Variants in FAT4 observed in about 807,000 individuals in gnomAD.
The protein encoded by FAT4 is protocadherin Fat 4.
A neutral mutation model predicts 303.9 loss-of-function variants in FAT4; 84 were observed. The ratio of observed to expected loss-of-function variants is 0.28; its 90% CI spans 0.23 to 0.33. The LOEUF (loss-of-function observed/expected upper bound fraction) is 0.33, where lower values mean the gene tolerates loss of function less well. Among genes scored for constraint, FAT4 ranks in the 10% least tolerant of loss-of-function variants. The probability of loss-of-function intolerance (pLI) is 1.00; values close to 1 mark genes in which losing one functional copy is unlikely to be tolerated. For synonymous variants in FAT4, 2,307 were observed against 2,298.8 expected, an observed-to-expected ratio of 1.00 and a Z score of -0.10; for missense variants, 6,005 against 6,146.8, an observed-to-expected ratio of 0.98 and a Z score of 0.77.
rs200550116 is a variant in FAT4, at chr4:125,451,699, C to T, written c.10689C>T (p.Ser3563=). 2.7e-5 allele frequency: 44 copies of T among 1,614,122 alleles called. No individual in the cohort carries two copies. Among genetic ancestry groups the T allele is most frequent in the African/African-American group, 1.3e-4 (10 of 75,032 alleles). ...TGPATSYFSL[S]TAGVLSTTRE... ...CTGCCACCAGTTATTTCAGTCTGAG[C>T]ACTGCTGGAGTTCTGAGCACAACCA... is the stretch of plus-strand genomic sequence containing the variant. The change falls in exon 10 of 18, where the codon AGC becomes AGT. Residue 3563 remains serine, a synonymous_variant. Transcript: ENST00000394329.
At chr4:125,476,138 C>A in intron 12 of FAT4, 33 bp from the exon 13 acceptor site, 1 of 1,438,098 alleles carries the variant, frequency 7.0e-7, no homozygotes, top group South Asian at 1.2e-5. Flanking sequence ...CGGTAGAACT[C>A]AAAGTTGAAT....
intron 2 of FAT4, among the ~76,000 whole-genome samples, chr4:125,324,990 C>T (rs1731097311): frequency 6.6e-6 from 1 of 151,952 alleles, no homozygotes; most frequent in African/African-American, 2.4e-5. Context: ...CAATAGAATA[C>T]AGCTGGATTC....
At chr4:125,343,705 A>G (rs1327189860) in intron 2 of FAT4, among the ~76,000 whole-genome samples, 3 of 152,192 alleles carry the variant, frequency 2.0e-5, no homozygotes, top group African/African-American at 7.2e-5. Context: ...ACACTACAGA[A>G]TAAAAGAAAT....
intron 16 of FAT4, 41 bp from the exon 17 acceptor site, chr4:125,487,304 A>G (rs1233035223): frequency 6.4e-7 from 1 of 1,561,516 alleles, no homozygotes; most frequent in African/African-American, 1.4e-5. Flanking sequence ...ATTTAAGCAT[A>G]CCATATTTTA....
intron 2 of FAT4, among the ~76,000 whole-genome samples, chr4:125,398,210 T>G (rs1734253886): frequency 6.6e-6 from 1 of 152,138 alleles, no homozygotes; most frequent in African/African-American, 2.4e-5. Context: ...AAATGATGGC[T>G]TAGCTTTAGT....
At chr4:125,465,752 A>G (rs920573448) in intron 11 of FAT4, among the ~76,000 whole-genome samples, 1 of 152,162 alleles carries the variant, frequency 6.6e-6, no homozygotes, top group Middle Eastern at 3.2e-3. Context: ...CGGCAGTGCA[A>G]ATTTCTCCCC....
At chr4:125,472,855 A>C (rs1726910102) in intron 12 of FAT4, among the ~76,000 whole-genome samples, 1 of 152,206 alleles carries the variant, frequency 6.6e-6, no homozygotes, top group African/African-American at 2.4e-5. Context: ...CACATCCATC[A>C]AACTGCATTC....
chr4:125,475,141 G>A (rs911043613), intron 12 of FAT4, among the ~76,000 whole-genome samples: 14 of 152,040 alleles, frequency 9.2e-5, no homozygotes, highest in African/African-American at 3.4e-4. Flanking sequence ...CTATTCCTGT[G>A]ATATACTGGC....
In FAT4 at chr4:125,415,801, C is replaced by T; in HGVS notation, c.6838C>T (p.Leu2280Phe). 6.2e-7 allele frequency: 1 copy of T among 1,604,658 alleles called. No individual in the cohort carries two copies. The highest frequency in any genetic ancestry group is 8.5e-7 in the Non-Finnish European group (1 of 1,173,524). ...TTTAGGGACACTACCCAGAACAATT[C>T]TTCAGGTCAGTATATTTAAATAAAG... ...ENLGTLPRTI[L>F]QVVARDDDRG... Residue 2280 changes from leucine (L) to phenylalanine (F), a missense_variant, in exon 6 of 18, where the codon CTT becomes TTT. Transcript: ENST00000394329.
chr4:125,317,341 C>A lies in FAT4; in HGVS notation c.930C>A (p.Pro310=). The part of the protein sequence containing the change: ...PETGLITVRE[P]LDFEARRQYS... ...CGGGACTTATCACGGTGCGGGAGCC[C>A]CTGGACTTCGAAGCTCGGCGCCAAT... Residue 310 remains proline, a synonymous_variant, in exon 2 of 18, where the codon CCC becomes CCA. Coordinates refer to ENST00000394329, the MANE Select transcript of FAT4 (RefSeq NM_001291303.3). This position sits in a 1 kb window ranked among gnomAD's most constrained non-coding sequence, Gnocchi z 7.0. 1 of 1,612,602 alleles carries A rather than the reference C, an allele frequency of 6.2e-7. No homozygotes were observed. The highest frequency in any genetic ancestry group is 8.5e-7 in the Non-Finnish European group (1 of 1,179,454).
chr4:125,446,161 CT>C, intron 8 of FAT4, 131 bp from the exon 9 acceptor site: 1 of 741,682 alleles, frequency 1.3e-6, no homozygotes, highest in South Asian at 2.0e-5. Context: ...TAGTTGTATT[CT>C]TTCCAACATT....
intron 2 of FAT4, among the ~76,000 whole-genome samples, chr4:125,386,712 T>G (rs1456983732): frequency 6.6e-6 from 1 of 152,224 alleles, no homozygotes; most frequent in Non-Finnish European, 1.5e-5. Context: ...TGTTTATTAG[T>G]GAGCTAAAGC....
chr4:125,322,793 T>C (rs1731007231), intron 2 of FAT4, among the ~76,000 whole-genome samples: 1 of 151,846 alleles, frequency 6.6e-6, no homozygotes, highest in African/African-American at 2.4e-5. Context: ...TGTCTATCTA[T>C]GGATGGGGAA....
In FAT4 at chr4:125,349,007, A is replaced by AT. The variant is rs139382721; in HGVS notation, c.5175+27423dup. Reference sequence around the variant, plus strand: ...CATATAAGAAATAATGAATCTATGCATTGGGGATGTTGCATTTAGTTTTCG... The same window carrying AT: ...CATATAAGAAATAATGAATCTATGCATTTGGGGATGTTGCATTTAGTTTTCG... On this transcript the variant is annotated intron_variant, in intron 2 of 17. Coordinates refer to ENST00000394329, the MANE Select transcript of FAT4 (RefSeq NM_001291303.3). Among the ~76,000 whole-genome samples, 747 of 151,938 alleles carry AT rather than the reference A, an allele frequency of 4.9e-3. 29 individuals are homozygous for AT. In the South Asian group the frequency reaches 0.07, roughly 14 times the overall value.
At chr4:125,360,903 T>C (rs1022601555) in intron 2 of FAT4, among the ~76,000 whole-genome samples, 3 of 146,976 alleles carry the variant, frequency 2.0e-5, no homozygotes, top group Non-Finnish European at 3.0e-5. Context: ...ATTAAATTTT[T>C]TATTTATTTA....
rs1732970071 is a variant in FAT4 at position 125,368,482 on chromosome 4, T to C, written c.5176-30302T>C. Reference sequence around the variant, plus strand: ...CAGGAAGTCTGTGATATTTCTCTAGTTAGGATATATATATATATGTATGTA... The same window carrying C: ...CAGGAAGTCTGTGATATTTCTCTAGCTAGGATATATATATATATGTATGTA... On this transcript the variant is annotated intron_variant, in intron 2 of 17. Coordinates refer to ENST00000394329, the MANE Select transcript of FAT4 (RefSeq NM_001291303.3). 2.0e-5 allele frequency among the ~76,000 whole-genome samples: 3 copies of C among 146,694 alleles called. No individual in the cohort carries two copies. In the South Asian group the frequency reaches 6.3e-4, roughly 31 times the overall value.
intron 2 of FAT4, among the ~76,000 whole-genome samples, chr4:125,373,622 A>G (rs1191364254): frequency 6.6e-6 from 1 of 152,210 alleles, no homozygotes; most frequent in African/African-American, 2.4e-5. Context: ...TTTGACAAAC[A>G]CTGTGCTGGC....
rs1730761616 is a variant in FAT4 at position 125,318,673 on chromosome 4, A to G, written c.2262A>G (p.Glu754=). Reference sequence around the variant, plus strand: ...CTACAAGAATGGCCCTAGACAGAGAAGAAAAAACAGCTTATCAGTTGCAAA... The same window carrying G: ...CTACAAGAATGGCCCTAGACAGAGAGGAAAAAACAGCTTATCAGTTGCAAA... The part of the protein sequence containing the change: ...VISTRMALDR[E]EKTAYQLQIV... Residue 754 remains glutamate (E), a synonymous_variant, in exon 2 of 18, where the codon GAA becomes GAG. Transcript: ENST00000394329. 2 of 1,614,054 alleles carry G rather than the reference A, an allele frequency of 1.2e-6. No homozygotes were observed. The highest frequency in any genetic ancestry group is 1.7e-6 in the Non-Finnish European group (2 of 1,180,028).
At chr4:125,377,627 G>A (rs1394663636) in intron 2 of FAT4, among the ~76,000 whole-genome samples, 2 of 151,908 alleles carry the variant, frequency 1.3e-5, no homozygotes, top group Non-Finnish European at 2.9e-5. Context: ...ATTTTAATAG[G>A]CAAGTTATTA....
Sources: allele counts gnomAD v4.1 joint callset (sites outside exome capture counted in the v4.1 genomes callset), GRCh38; gene constraint gnomAD v4.1.1; non-coding constraint Gnocchi (gnomAD v3.1); transcripts MANE v1.5; gene names NCBI Gene and HGNC (gene_info 2026-07-23, HGNC 2026-07-21).